Variants in RGS12 observed in about 807,000 individuals in gnomAD.
The protein encoded by RGS12 is regulator of G-protein signaling 12.
Under a neutral mutation model 120.1 loss-of-function variants are expected in RGS12, and 66 were observed. That is an observed-to-expected ratio of 0.55 (90% CI 0.45 to 0.67). The LOEUF (loss-of-function observed/expected upper bound fraction) is 0.67. RGS12 is among the 30% of genes least tolerant of loss of function. The pLI, the probability that RGS12 is intolerant of heterozygous loss-of-function variation, is 0.00. For missense variants in RGS12, 1,859 were observed against 1,957.7 expected (o/e 0.95, Z 0.95); for synonymous variants, 827 against 804.7 (o/e 1.03, Z -0.47).
At chr4:3,330,988 A>G (rs1184164667) in intron 2 of RGS12, among the ~76,000 whole-genome samples, 1 of 152,234 alleles carries the variant, frequency 6.6e-6, no homozygotes. Context: ...TGGGAGATGT[A>G]GTCCTTAGCT....
At chr4:3,413,932 T>G in intron 4 of RGS12, 140 bp from the exon 5 acceptor site, 1 of 784,178 alleles carries the variant, frequency 1.3e-6, no homozygotes, top group Non-Finnish European at 2.0e-6. Context: ...GTAGGTGTGC[T>G]GTGCATAGTT....
chr4:3,299,213 A>T (rs1269859072), intron 1 of RGS12, among the ~76,000 whole-genome samples: 2 of 151,852 alleles, frequency 1.3e-5, no homozygotes, highest in African/African-American at 4.8e-5. Flanking sequence ...CTGTGCATGG[A>T]TGGCTCACCA....
chr4:3,411,988 G>A (rs1042652633), intron 4 of RGS12, among the ~76,000 whole-genome samples: 8 of 152,208 alleles, frequency 5.3e-5, no homozygotes, highest in Non-Finnish European at 8.8e-5. Flanking sequence ...GCGTGCTGGC[G>A]GCCACCGCGG....
Position 3,317,578 on chromosome 4 carries a change from G to T in RGS12, c.1408G>T (p.Ala470Ser), listed in dbSNP as rs761921783. ...TGGGAGGGGTGCCCAGCCCTGGGGTGCTCCCTGGACTGGGCCCTTCTGTCC... is the reference window on the plus strand; with the variant it reads ...TGGGAGGGGTGCCCAGCCCTGGGGTTCTCCCTGGACTGGGCCCTTCTGTCC... ...VGGRGAQPWG[A>S]PWTGPFCPDP... Residue 470 changes from alanine to serine, a missense_variant, in exon 2 of 18, where the codon GCT (alanine) becomes TCT (serine). This residue lies in a region of RGS12 where 967 missense variants were observed against 994.2 expected (regional missense o/e 0.97). Coordinates refer to ENST00000336727, the MANE Select transcript of RGS12 (RefSeq NM_001394154.1). The T allele has an allele frequency of 1.2e-6, 2 of 1,602,072 alleles. No individual in the cohort carries two copies. Among genetic ancestry groups the T allele is most frequent in the Admixed American group, 3.4e-5 (2 of 59,520 alleles).
rs77303995 is a variant in RGS12 at position 3,293,940 on chromosome 4, C to T, written c.-102+841C>T. 2.5e-3 allele frequency among the ~76,000 whole-genome samples: 60 copies of T among 23,758 alleles called. 2 individuals are homozygous for T. 15.6% of individuals were successfully genotyped at this position (23,758 alleles called of 152,430 possible). A position where few individuals can be genotyped will look rare whatever the true frequency, so the allele number is the denominator to read the frequency against. On this transcript the variant is annotated intron_variant, in intron 1 of 17. Coordinates refer to ENST00000336727, the MANE Select transcript of RGS12 (RefSeq NM_001394154.1). ...GTGTAGACAGAGTCTCATAGCCGTGCAGACAGAGAAGGGGCCCAGAGCCAT... is the reference window on the plus strand; with the variant it reads ...GTGTAGACAGAGTCTCATAGCCGTGTAGACAGAGAAGGGGCCCAGAGCCAT...
intron 3 of RGS12, chr4:3,343,278 G>A: frequency 4.1e-6 from 2 of 485,830 alleles, no homozygotes; most frequent in South Asian, 5.0e-5. Flanking sequence ...GTGCTCTTCT[G>A]TGTGCCAGAC....
At chr4:3,421,445 C>T (rs1723007221) in intron 10 of RGS12, among the ~76,000 whole-genome samples, 1 of 152,246 alleles carries the variant, frequency 6.6e-6, no homozygotes, top group Non-Finnish European at 1.5e-5. Context: ...TACCTCCGCA[C>T]CCCCAAACTC....
Position 3,422,528 on chromosome 4 carries a change from C to T in RGS12, c.2991C>T (p.Ile997=), listed in dbSNP as rs756660427. Reference sequence around the variant, plus strand: ...CCGGACTCTGTGAGCGGCATGGCATCAACGGGGCGGCCGCGGACCTCTTCC... The same window carrying T: ...CCGGACTCTGTGAGCGGCATGGCATTAACGGGGCGGCCGCGGACCTCTTCC... The part of the protein sequence containing the change: ...ILSGLCERHG[I]NGAAADLFLV... The change falls in exon 11 of 18, where the codon ATC becomes ATT. Residue 997 remains isoleucine, a synonymous_variant. Coordinates refer to ENST00000336727, the MANE Select transcript of RGS12 (RefSeq NM_001394154.1). 2.9e-5 allele frequency: 46 copies of T among 1,612,716 alleles called. No individual in the cohort carries two copies. The highest frequency in any genetic ancestry group is 3.6e-5 in the Non-Finnish European group (43 of 1,179,980).
intron 1 of RGS12, among the ~76,000 whole-genome samples, chr4:3,298,859 T>C (rs749911139): frequency 2.2e-4 from 34 of 152,384 alleles, no homozygotes; most frequent in Non-Finnish European, 4.6e-4. Context: ...CTCTGCTCTG[T>C]CATTTGTTTA....
Position 3,390,313 on chromosome 4 carries a change from C to G in RGS12, c.2020+3876C>G, listed in dbSNP as rs142481353. 2.0e-4 allele frequency among the ~76,000 whole-genome samples: 31 copies of G among 152,304 alleles called. No individual in the cohort carries two copies. In the East Asian group the frequency reaches 6.0e-3, roughly 29 times the overall value. The stretch of plus-strand genomic sequence containing the variant: ...ATCTGTGTTGGTGCTTTTGTCCCCC[C>G]AGCTGGTGTGACCTCCACGTGGCAG... On this transcript the variant is annotated intron_variant, in intron 4 of 17. Coordinates refer to ENST00000336727, the MANE Select transcript of RGS12 (RefSeq NM_001394154.1). This position sits in a 1 kb window ranked among gnomAD's most constrained non-coding sequence, Gnocchi z 4.6.
chr4:3,416,128 G>T lies in RGS12; in HGVS notation c.2427+7G>T, dbSNP rs201369188. ...CAAGGAGCAGCAGCTGCAGGTAACC[G>T]CAGGCTGTGGGAGCTTGTGGGGAGT... On this transcript the variant is annotated splice_region_variant and intron_variant, in intron 7 of 17. Coordinates refer to ENST00000336727, the MANE Select transcript of RGS12 (RefSeq NM_001394154.1). 7,453 of 1,613,822 alleles carry T rather than the reference G, an allele frequency of 4.6e-3. 30 individuals are homozygous for T. The highest frequency in any genetic ancestry group is 5.8e-3 in the Non-Finnish European group (6,870 of 1,179,888).
chr4:3,286,738 G>C, the RGS12 span, among the ~76,000 whole-genome samples: 1 of 152,212 alleles, frequency 6.6e-6, no homozygotes, highest in Non-Finnish European at 1.5e-5. Context: ...CAGCGGGAAC[G>C]TGTTCCCAGC....
chr4:3,386,208 C>G (rs1365413916), intron 3 of RGS12: 1 of 603,162 alleles, frequency 1.7e-6, no homozygotes, highest in Non-Finnish European at 3.0e-6. Context: ...ATGACTTCCT[C>G]TTGTTGGGTG....
chr4:3,298,458 C>T (rs1723500283), intron 1 of RGS12, among the ~76,000 whole-genome samples: 1 of 152,136 alleles, frequency 6.6e-6, no homozygotes, highest in Non-Finnish European at 1.5e-5. Context: ...TCAAGCGATC[C>T]CCCTGCCTCA....
chr4:3,412,419 G>T (rs1384988499), intron 4 of RGS12, among the ~76,000 whole-genome samples: 1 of 152,224 alleles, frequency 6.6e-6, no homozygotes, highest in Non-Finnish European at 1.5e-5. Context: ...GAGAGGAGTT[G>T]ATGCTGCCTC....
chr4:3,431,475 G>A (rs1724297248), intron 17 of RGS12: 1 of 988,784 alleles, frequency 1.0e-6, no homozygotes, highest in Non-Finnish European at 1.2e-6. Context: ...GGCCCCCGTA[G>A]CAGGTGGTGT....
Position 3,361,232 on chromosome 4 carries a change from G to A in RGS12, c.1998+18179G>A, listed in dbSNP as rs184222774. The stretch of plus-strand genomic sequence containing the variant: ...AGACTGTTGAAAACCATGGTTTTAG[G>A]TTACATGCTTCACTGGTAGCACCAT... On this transcript the variant is annotated intron_variant, in intron 3 of 17. Coordinates refer to ENST00000336727, the MANE Select transcript of RGS12 (RefSeq NM_001394154.1). 1.6e-3 allele frequency among the ~76,000 whole-genome samples: 246 copies of A among 152,236 alleles called. 2 individuals are homozygous for A. The highest frequency in any genetic ancestry group is 2.2e-3 in the Non-Finnish European group (153 of 68,002).
intron 3 of RGS12, among the ~76,000 whole-genome samples, chr4:3,373,122 G>C (rs1474962832): frequency 6.6e-6 from 1 of 152,230 alleles, no homozygotes; most frequent in East Asian, 1.9e-4. Flanking sequence ...GCCTGGGGAA[G>C]TGAAAGGATA....
chr4:3,314,026 TATAAA>T (rs1724576998), intron 1 of RGS12: 1 of 151,492 alleles, frequency 6.6e-6, no homozygotes, highest in South Asian at 2.1e-4. Flanking sequence ...ATTAAAAAAT[TATAAA>T]ATAATTTTAA....
Sources: gnomAD v4.1 joint callset for allele counts (sites outside exome capture counted in the v4.1 genomes callset) on GRCh38, gnomAD v4.1.1 for gene constraint, gnomAD v4.1.1 regional missense constraint, Gnocchi (gnomAD v3.1) non-coding constraint, MANE v1.5 for transcripts, NCBI Gene and HGNC (gene_info 2026-07-23, HGNC 2026-07-21) for gene names.